POTEJ: variants seen among roughly 807,000 people sequenced by gnomAD.
The protein encoded by POTEJ is POTE ankyrin domain family, member J.
POTEJ carries 11 observed loss-of-function variants against 69.0 expected under a neutral mutation model. That is an observed-to-expected ratio of 0.16 (90% CI 0.10 to 0.26). The LOEUF (loss-of-function observed/expected upper bound fraction) is 0.26, where lower values mean the gene tolerates loss of function less well. Ranked by LOEUF, POTEJ falls within the 10% of genes least tolerant of loss-of-function variation. POTEJ has a pLI of 1.00. For synonymous variants in POTEJ, 117 were observed against 381.1 expected (o/e 0.31, Z 8.07); for missense variants, 327 against 1,045.5 (o/e 0.31, Z 9.48).
At chr2:130,642,022 A>T (rs1261093869) in intron 10 of POTEJ, among the ~76,000 whole-genome samples, 4 of 151,276 alleles carry the variant, frequency 2.6e-5, no homozygotes, top group African/African-American at 9.7e-5. Flanking sequence ...AGAAAGAGCA[A>T]GGAGCGTATG....
chr2:130,626,055 C>CA, intron 6 of POTEJ, among the ~76,000 whole-genome samples: 1 of 147,162 alleles, frequency 6.8e-6, no homozygotes, highest in African/African-American at 2.6e-5. Context: ...ATCTTGTTCT[C>CA]ACAACACAAC....
At chr2:130,613,637 G>A (rs1191940766) in intron 1 of POTEJ, among the ~76,000 whole-genome samples, 5 of 138,458 alleles carry the variant, frequency 3.6e-5, no homozygotes, top group South Asian at 2.2e-4. Context: ...TCCTGTCCTC[G>A]TGATCCACCC....
chr2:130,650,262 CTCTT>C (rs1686760740), intron 13 of POTEJ, among the ~76,000 whole-genome samples: 1 of 152,272 alleles, frequency 6.6e-6, no homozygotes, highest in Non-Finnish European at 1.5e-5. Flanking sequence ...AAGAAAAATC[CTCTT>C]TCTCAGCAGG....
chr2:130,615,369 T>C (rs1161241384), intron 1 of POTEJ, among the ~76,000 whole-genome samples: 3 of 107,872 alleles, frequency 2.8e-5, no homozygotes, highest in African/African-American at 4.4e-5. Context: ...ACTGTTTTAG[T>C]TGTTTTAAGA....
At position 130,625,304 on chromosome 2, in the gene POTEJ, C is replaced by T. The variant is rs1438919233; in HGVS notation, c.1015+1170C>T. On this transcript the variant is annotated intron_variant, in intron 6 of 14. Transcript: ENST00000409602. ...ACTTGTCCACTTAACATATAACTAT[C>T]AAATGTCTTTTAGATAGTAACCATT... 4.9e-4 allele frequency among the ~76,000 whole-genome samples: 75 copies of T among 152,106 alleles called. No homozygotes were observed. The South Asian group carries it at 0.016, about 32-fold the overall frequency.
At chr2:130,648,784 T>TTTTG (rs1686689385) in intron 13 of POTEJ, among the ~76,000 whole-genome samples, 1 of 67,446 alleles carries the variant, frequency 1.5e-5, no homozygotes, top group African/African-American at 7.9e-5. Flanking sequence ...TCTCATAGTT[T>TTTTG]TTTTTTTTTT....
chr2:130,637,220 A>G (rs1220589488), intron 9 of POTEJ, among the ~76,000 whole-genome samples: 1 of 151,464 alleles, frequency 6.6e-6, no homozygotes. Context: ...GAAAAGCCCA[A>G]TATTGTGGTT....
chr2:130,650,369 C>T (rs1216860232), intron 13 of POTEJ, among the ~76,000 whole-genome samples: 7 of 152,346 alleles, frequency 4.6e-5, no homozygotes, highest in East Asian at 3.8e-4. Context: ...CTCTAACGTA[C>T]TGTGTATTTT....
intron 9 of POTEJ, among the ~76,000 whole-genome samples, chr2:130,633,014 T>G (rs1470808124): frequency 2.7e-5 from 4 of 146,556 alleles, no homozygotes; most frequent in African/African-American, 7.9e-5. Context: ...ACACCAAAAG[T>G]TAGTTTTTTG....
chr2:130,625,116 T>C (rs1311232486), intron 6 of POTEJ, among the ~76,000 whole-genome samples: 1 of 152,192 alleles, frequency 6.6e-6, no homozygotes, highest in Non-Finnish European at 1.5e-5. Context: ...TAGCCATCTA[T>C]TTATCAAAGA....
In POTEJ at chr2:130,640,725, A is replaced by G. The variant is rs1315231608; in HGVS notation, c.1369+2036A>G. Among the ~76,000 whole-genome samples the G allele has an allele frequency of 2.0e-4, 31 of 152,252 alleles. No individual in the cohort carries two copies. In the East Asian group the frequency reaches 5.8e-3, roughly 28 times the overall value. On this transcript the variant is annotated intron_variant, in intron 10 of 14. Transcript: ENST00000409602. ...CATTTCATTGGCTGGGTCATACCAC[A>G]TGCTCATTCCCAAACCAGGCACTGG...
At position 130,624,625 on chromosome 2, in the gene POTEJ, T is replaced by G. The variant is rs1573973927; in HGVS notation, c.1015+491T>G. On this transcript the variant is annotated intron_variant, in intron 6 of 14. Coordinates refer to ENST00000409602, the MANE Select transcript of POTEJ (RefSeq NM_001277083.2). ...CTTGCCTGCTGCTCACCTCCTCCTG[T>G]GTGGTGTGGTTCATAATAGTCCATG... Among the ~76,000 whole-genome samples, 3 of 152,114 alleles carry G rather than the reference T, an allele frequency of 2.0e-5. No individual in the cohort carries two copies. In the East Asian group the frequency reaches 5.8e-4, roughly 29 times the overall value.
At chr2:130,624,492 C>G (rs1685631495) in intron 6 of POTEJ, among the ~76,000 whole-genome samples, 1 of 151,566 alleles carries the variant, frequency 6.6e-6, no homozygotes, top group Non-Finnish European at 1.5e-5. Flanking sequence ...ACAACAGGTT[C>G]ATGCTCCAAT....
chr2:130,613,313 CATAT>C (rs1491312082), intron 1 of POTEJ, among the ~76,000 whole-genome samples: 5 of 76,842 alleles, frequency 6.5e-5, no homozygotes, highest in African/African-American at 2.2e-4. Flanking sequence ...TGTATATATA[CATAT>C]ATATACATAT....
At chr2:130,620,595 G>C (rs1477523135) in intron 4 of POTEJ, among the ~76,000 whole-genome samples, 1 of 138,108 alleles carries the variant, frequency 7.2e-6, no homozygotes, top group South Asian at 2.3e-4. Flanking sequence ...TCTGCTTTAA[G>C]TTGCTTTCTT....
intron 10 of POTEJ, among the ~76,000 whole-genome samples, chr2:130,641,721 G>A (rs868357900): frequency 0.015 from 2,306 of 151,046 alleles, 2 homozygotes; most frequent in African/African-American, 0.053. Flanking sequence ...TTTTTTCTAT[G>A]CATGTTTAAT....
chr2:130,641,124 A>G (rs1686353445), intron 10 of POTEJ, among the ~76,000 whole-genome samples: 1 of 152,096 alleles, frequency 6.6e-6, no homozygotes, highest in Admixed American at 6.6e-5. Flanking sequence ...AACAGGCATG[A>G]CTGAGCTCCT....
chr2:130,641,735 A>G (rs369977414), intron 10 of POTEJ, among the ~76,000 whole-genome samples: 1 of 151,988 alleles, frequency 6.6e-6, no homozygotes, highest in Admixed American at 6.6e-5. Context: ...GTTTAATGGA[A>G]TATTCGTGTA....
Position 130,657,445 on chromosome 2 carries a change from C to G in POTEJ, c.2685C>G (p.Ser895=), listed in dbSNP as rs879241958. The change falls in exon 15 of 15, where the codon TCC becomes TCG. Residue 895 remains serine, a synonymous_variant. Coordinates refer to ENST00000409602, the MANE Select transcript of POTEJ (RefSeq NM_001277083.2). Reference sequence around the variant, plus strand: ...AGCAGGAGATGGCCATGGTGGCCTCCAGCTCCTCCCTAGAGAAGAGCTACG... The same window carrying G: ...AGCAGGAGATGGCCATGGTGGCCTCGAGCTCCTCCCTAGAGAAGAGCTACG... ...DFEQEMAMVA[S]SSSLEKSYEL... 4.4e-6 allele frequency: 7 copies of G among 1,596,754 alleles called. No individual in the cohort carries two copies. The highest frequency in any genetic ancestry group is 1.7e-5 in the Admixed American group (1 of 59,452).
Sources: allele counts gnomAD v4.1 joint callset (sites outside exome capture counted in the v4.1 genomes callset), GRCh38; gene constraint gnomAD v4.1.1; transcripts MANE v1.5; gene names NCBI Gene and HGNC (gene_info 2026-07-23, HGNC 2026-07-21).